The following GCNT1 variants were observed in gnomAD, a reference collection of about 807,000 sequenced individuals.
The protein encoded by GCNT1 is beta-1,3-galactosyl-O-glycosyl-glycoprotein beta-1,6-N-acetylglucosaminyltransferase.
A neutral mutation model predicts 26.2 loss-of-function variants in GCNT1; 16 were observed. That is an observed-to-expected ratio of 0.61 (90% CI 0.41 to 0.93). GCNT1 has a LOEUF of 0.93. Ranked by LOEUF, GCNT1 falls within the 40% of genes least tolerant of loss-of-function variation. The pLI is 0.00. For missense variants in GCNT1, 477 were observed against 526.7 expected (o/e 0.91, Z 0.92); for synonymous variants, 183 against 190.8 (o/e 0.96, Z 0.34).
intron 2 of GCNT1, among the ~76,000 whole-genome samples, chr9:76,468,263 C>T (rs2131601756): frequency 6.6e-6 from 1 of 152,228 alleles, no homozygotes; most frequent in Non-Finnish European, 1.5e-5. Context: ...GCAGGGATTC[C>T]TTGCCTAGCT....
At position 76,503,691 on chromosome 9, in the gene GCNT1, CAAG is replaced by C. The variant is rs1213980256; in HGVS notation, c.*30_*32del. 3.2e-6 allele frequency: 5 copies of C among 1,571,384 alleles called. No individual in the cohort carries two copies. The highest frequency in any genetic ancestry group is 1.4e-5 in the African/African-American group (1 of 72,532). ...TGACCATTACGGGCAATTTTATGAA[CAAG>C]AAGAAGGATACACAAAACGTACCCT... On this transcript the variant is annotated 3_prime_UTR_variant, in exon 4 of 4. Coordinates refer to ENST00000376730, the MANE Select transcript of GCNT1 (RefSeq NM_001490.5).
chr9:76,493,143 C>A (rs1488123326), intron 2 of GCNT1, among the ~76,000 whole-genome samples: 1 of 152,156 alleles, frequency 6.6e-6, no homozygotes, highest in Non-Finnish European at 1.5e-5. Context: ...AATTCATGGG[C>A]TTTTTCCTAA....
intron 2 of GCNT1, among the ~76,000 whole-genome samples, chr9:76,478,255 C>G (rs1564238384): frequency 6.6e-6 from 1 of 152,234 alleles, no homozygotes; most frequent in Non-Finnish European, 1.5e-5. Flanking sequence ...TGCGTCCGCA[C>G]TACCTTTATG....
At chr9:76,487,089 C>G (rs1476491356) in intron 2 of GCNT1, among the ~76,000 whole-genome samples, 1 of 152,168 alleles carries the variant, frequency 6.6e-6, no homozygotes, top group Non-Finnish European at 1.5e-5. Context: ...AGAGACTACC[C>G]TCCAAGCAGG....
chr9:76,469,549 C>T (rs1824083514), intron 2 of GCNT1, among the ~76,000 whole-genome samples: 1 of 152,186 alleles, frequency 6.6e-6, no homozygotes, highest in East Asian at 1.9e-4. Context: ...TTAAATCTTG[C>T]AACTGCACTC....
At chr9:76,442,878 G>C (rs1026789717) in intron 1 of GCNT1, among the ~76,000 whole-genome samples, 2 of 140,944 alleles carry the variant, frequency 1.4e-5, no homozygotes, top group Non-Finnish European at 3.3e-5. Flanking sequence ...TATAGATGTT[G>C]GGAATATACT....
At chr9:76,494,474 A>G (rs1320336692) in intron 2 of GCNT1, among the ~76,000 whole-genome samples, 2 of 152,204 alleles carry the variant, frequency 1.3e-5, no homozygotes, top group African/African-American at 4.8e-5. Context: ...TTCTCATCAT[A>G]TGAATAGGAA....
chr9:76,404,971 C>T, the GCNT1 span, among the ~76,000 whole-genome samples: 2 of 151,760 alleles, frequency 1.3e-5, no homozygotes, highest in African/African-American at 4.8e-5. Flanking sequence ...GTGTACACCA[C>T]CATGCCTGGC....
At chr9:76,398,402 A>G in the GCNT1 span, among the ~76,000 whole-genome samples, 4 of 152,268 alleles carry the variant, frequency 2.6e-5, no homozygotes, top group Non-Finnish European at 5.9e-5. Flanking sequence ...GCCAAAATTC[A>G]GAACACTGAC....
intron 2 of GCNT1, among the ~76,000 whole-genome samples, chr9:76,465,160 T>TA (rs914693267): frequency 3.6e-4 from 55 of 151,818 alleles, no homozygotes; most frequent in Non-Finnish European, 7.4e-4. Context: ...TTTGAGTTTT[T>TA]TTTTTTTTAT....
chr9:76,486,253 A>T (rs546893157), intron 2 of GCNT1, among the ~76,000 whole-genome samples: 1 of 152,322 alleles, frequency 6.6e-6, no homozygotes, highest in South Asian at 2.1e-4. Flanking sequence ...AGAGTTCCAG[A>T]GCATATTAAG....
chr9:76,456,618 A>T (rs1823761720), upstream of GCNT1, among the ~76,000 whole-genome samples: 1 of 152,192 alleles, frequency 6.6e-6, no homozygotes, highest in Admixed American at 6.5e-5. Context: ...ACCCCTAAGC[A>T]TTCCAGAAAT....
chr9:76,434,952 T>C (rs893800334), intron 1 of GCNT1, among the ~76,000 whole-genome samples: 2 of 152,140 alleles, frequency 1.3e-5, no homozygotes, highest in Non-Finnish European at 2.9e-5. Flanking sequence ...CCTGGTAAAT[T>C]TGAGGTCAGA....
At chr9:76,436,840 G>A (rs771507844), upstream of GCNT1, among the ~76,000 whole-genome samples, 2 of 152,200 alleles carry the variant, frequency 1.3e-5, no homozygotes, top group East Asian at 1.9e-4. Context: ...TGCTTGTTGA[G>A]GTAAGAGAGA....
At chr9:76,454,386 G>GAAAAAAAAAA (rs71372084), upstream of GCNT1, among the ~76,000 whole-genome samples, 4 of 39,620 alleles carry the variant, frequency 1.0e-4, no homozygotes, top group African/African-American at 1.7e-4. Context: ...TCTCAGAAAA[G>GAAAAAAAAAA]AAAAAAAAAA....
upstream of GCNT1, among the ~76,000 whole-genome samples, chr9:76,441,028 G>A (rs1030803270): frequency 2.1e-5 from 3 of 142,988 alleles, no homozygotes; most frequent in Admixed American, 2.2e-4. Flanking sequence ...TCACACCACT[G>A]CACTCCAGCC....
chr9:76,425,778 G>A (rs1048526253), intron 1 of GCNT1, among the ~76,000 whole-genome samples: 4 of 152,148 alleles, frequency 2.6e-5, no homozygotes, highest in Admixed American at 6.5e-5. Context: ...GTCAGGGCCG[G>A]TGAGTCAAGA....
chr9:76,451,427 C>T (rs1357553114), intron 1 of GCNT1, among the ~76,000 whole-genome samples: 1 of 152,102 alleles, frequency 6.6e-6, no homozygotes, highest in African/African-American at 2.4e-5. Flanking sequence ...TCCTAAGCCT[C>T]CTACATGGGG....
intron 1 of GCNT1, among the ~76,000 whole-genome samples, chr9:76,424,701 TTCAAAATGGAAAGG>T (rs1483673426): frequency 3.9e-5 from 6 of 152,306 alleles, no homozygotes; most frequent in African/African-American, 1.4e-4. Context: ...TTGTGCCCTA[TTCAAAATGGAAAGG>T]TCAAAAGTGG....
Sources: allele counts gnomAD v4.1 joint callset (sites outside exome capture counted in the v4.1 genomes callset), GRCh38; gene constraint gnomAD v4.1.1; transcripts MANE v1.5; gene names NCBI Gene and HGNC (gene_info 2026-07-23, HGNC 2026-07-21).